The following GPATCH8 variants were observed in gnomAD, a reference collection of about 807,000 sequenced individuals.
The protein encoded by GPATCH8 is G-patch domain containing 8, also known as G patch domain-containing protein 8.
A neutral mutation model predicts 118.3 loss-of-function variants in GPATCH8; 18 were observed. The ratio of observed to expected loss-of-function variants is 0.15; its 90% CI spans 0.11 to 0.23. GPATCH8 has a LOEUF of 0.23. Ranked by LOEUF, GPATCH8 falls within the 10% of genes least tolerant of loss-of-function variation. The probability of loss-of-function intolerance (pLI) is 1.00; values close to 1 mark genes in which losing one functional copy is unlikely to be tolerated. For synonymous variants in GPATCH8, 659 were observed against 684.7 expected, an observed-to-expected ratio of 0.96 and a Z score of 0.59; for missense variants, 1,631 against 1,873.8, an observed-to-expected ratio of 0.87 and a Z score of 2.39.
intron 3 of GPATCH8, among the ~76,000 whole-genome samples, chr17:44,447,793 AC>A (rs1488939421): frequency 2.0e-5 from 3 of 152,036 alleles, no homozygotes; most frequent in African/African-American, 7.2e-5. Flanking sequence ...CACCACACCT[AC>A]CCCATCCCCC....
intron 7 of GPATCH8, among the ~76,000 whole-genome samples, chr17:44,401,859 C>G (rs777078967): frequency 6.6e-6 from 1 of 151,900 alleles, no homozygotes; most frequent in Non-Finnish European, 1.5e-5. Flanking sequence ...CAAAAATTAG[C>G]CAGGCATGGT....
At chr17:44,429,796 G>C (rs2050235819) in intron 5 of GPATCH8, among the ~76,000 whole-genome samples, 1 of 151,758 alleles carries the variant, frequency 6.6e-6, no homozygotes, top group Non-Finnish European at 1.5e-5. Flanking sequence ...CTCAGGAGGT[G>C]AAGGCTGCAG....
At chr17:44,439,834 A>G (rs941665395) in intron 3 of GPATCH8, among the ~76,000 whole-genome samples, 12 of 146,556 alleles carry the variant, frequency 8.2e-5, no homozygotes, top group African/African-American at 3.1e-4. Context: ...CCCAGGCTGG[A>G]GTGCAATGGC....
At chr17:44,439,831 T>G (rs2050630266) in intron 3 of GPATCH8, among the ~76,000 whole-genome samples, 1 of 151,558 alleles carries the variant, frequency 6.6e-6, no homozygotes, top group Non-Finnish European at 1.5e-5. Context: ...TTGCCCAGGC[T>G]GGAGTGCAAT....
chr17:44,480,921 T>A (rs926481080), intron 1 of GPATCH8, among the ~76,000 whole-genome samples: 1 of 152,036 alleles, frequency 6.6e-6, no homozygotes, highest in Non-Finnish European at 1.5e-5. Flanking sequence ...ACTTCATTTG[T>A]TTGGAGAGAC....
At chr17:44,416,168 A>T (rs2049675476) in intron 6 of GPATCH8, among the ~76,000 whole-genome samples, 1 of 151,430 alleles carries the variant, frequency 6.6e-6, no homozygotes, top group African/African-American at 2.4e-5. Context: ...CGCCCAGCTA[A>T]TTTTTTTTTG....
intron 6 of GPATCH8, among the ~76,000 whole-genome samples, chr17:44,409,617 G>A (rs1283349100): frequency 1.3e-5 from 2 of 152,160 alleles, no homozygotes; most frequent in Admixed American, 6.5e-5. Flanking sequence ...GAGTCAGAAA[G>A]CTTGGGTTCA....
At chr17:44,425,859 G>C (rs2050072198) in intron 5 of GPATCH8, among the ~76,000 whole-genome samples, 1 of 151,942 alleles carries the variant, frequency 6.6e-6, no homozygotes, top group African/African-American at 2.4e-5. Context: ...TAGAGTTCCT[G>C]GTATGAATAC....
intron 6 of GPATCH8, among the ~76,000 whole-genome samples, chr17:44,413,050 A>C (rs1250301597): frequency 6.6e-6 from 1 of 152,226 alleles, no homozygotes; most frequent in African/African-American, 2.4e-5. Context: ...TTTCAGTATT[A>C]AACTACCCAG....
At chr17:44,431,766 TA>T (rs554385976) in intron 5 of GPATCH8, among the ~76,000 whole-genome samples, 25 of 149,120 alleles carry the variant, frequency 1.7e-4, no homozygotes, top group East Asian at 1.4e-3. Context: ...CCCTATCTCT[TA>T]AAAAAAAAAT....
intron 3 of GPATCH8, among the ~76,000 whole-genome samples, chr17:44,437,897 AC>A (rs1217053241): frequency 3.3e-5 from 5 of 151,868 alleles, no homozygotes; most frequent in South Asian, 2.1e-4. Flanking sequence ...CAGTAAAAAA[AC>A]AAAACAAAAA....
chr17:44,467,339 GAAA>G (rs546506712), intron 2 of GPATCH8: 1 of 236,516 alleles, frequency 4.2e-6, no homozygotes, highest in Non-Finnish European at 9.1e-6. Context: ...GGGAGAGGGA[GAAA>G]AAAAAGAAAA....
At chr17:44,501,446 C>G (rs1169704170) in intron 1 of GPATCH8, among the ~76,000 whole-genome samples, 1 of 151,902 alleles carries the variant, frequency 6.6e-6, no homozygotes, top group Non-Finnish European at 1.5e-5. Flanking sequence ...CCTGGCTGAC[C>G]CAATTTAACA....
intron 3 of GPATCH8, among the ~76,000 whole-genome samples, chr17:44,448,990 C>T (rs759520179): frequency 4.6e-5 from 7 of 151,996 alleles, no homozygotes; most frequent in Middle Eastern, 3.2e-3. Flanking sequence ...AATATCATTT[C>T]CTGGGCTAGG....
Position 44,468,038 on chromosome 17 carries a change from G to A in GPATCH8, c.121-3494C>T, listed in dbSNP as rs1279933317. 2.7e-5 allele frequency among the ~76,000 whole-genome samples: 4 copies of A among 147,084 alleles called. No individual in the cohort carries two copies. The East Asian group carries it at 5.9e-4, about 22-fold the overall frequency. On this transcript the variant is annotated intron_variant, in intron 2 of 7. Transcript: ENST00000591680. Reference sequence around the variant, plus strand: ...TTTTTTTGAGACGGAGTCTCACTCTGTAGCTCAGGCTGGAGTGTAACGGCA... The same window carrying A: ...TTTTTTTGAGACGGAGTCTCACTCTATAGCTCAGGCTGGAGTGTAACGGCA...
At chr17:44,434,948 A>T (rs1254270529) in intron 5 of GPATCH8, 117 bp downstream of exon 5, 21 of 725,142 alleles carry the variant, frequency 2.9e-5, no homozygotes. Flanking sequence ...ACTACTAATT[A>T]CCACCAAATG....
chr17:44,429,529 A>G (rs987043266), intron 5 of GPATCH8, among the ~76,000 whole-genome samples: 4 of 152,052 alleles, frequency 2.6e-5, no homozygotes, highest in African/African-American at 7.2e-5. Flanking sequence ...ATGTAAAACT[A>G]GGCCACGTGG....
At chr17:44,481,317 C>T (rs575173371) in intron 1 of GPATCH8, among the ~76,000 whole-genome samples, 2 of 152,288 alleles carry the variant, frequency 1.3e-5, no homozygotes, top group South Asian at 4.1e-4. Context: ...ACGCTAGAAA[C>T]TATCCAAATG....
chr17:44,502,888 C>A (rs190770960), intron 1 of GPATCH8, among the ~76,000 whole-genome samples: 3 of 152,314 alleles, frequency 2.0e-5, no homozygotes, highest in African/African-American at 7.2e-5. Context: ...AAGAGAAGGA[C>A]CCCAAAAGGA....
Sources: gnomAD v4.1 joint callset for allele counts (sites outside exome capture counted in the v4.1 genomes callset) on GRCh38, gnomAD v4.1.1 for gene constraint, MANE v1.5 for transcripts, NCBI Gene and HGNC (gene_info 2026-07-23, HGNC 2026-07-21) for gene names.